Variants in C2orf66 observed in about 807,000 individuals in gnomAD.
C2orf66 encodes the protein uncharacterized protein C2orf66.
Under a neutral mutation model 7.0 loss-of-function variants are expected in C2orf66, and 6 were observed. The observed-to-expected ratio is 0.86, with a 90% CI of 0.47 to 1.69. C2orf66 has a LOEUF of 1.69. Among genes scored for constraint, C2orf66 ranks in the 40% most tolerant of loss-of-function variants. The probability of loss-of-function intolerance (pLI) is 0.01; values close to 1 mark genes in which losing one functional copy is unlikely to be tolerated. For synonymous variants in C2orf66, 38 were observed against 43.8 expected, an observed-to-expected ratio of 0.87 and a Z score of 0.52; for missense variants, 107 against 112.0, an observed-to-expected ratio of 0.96 and a Z score of 0.20.
chr2:196,824,907 C>T, the C2orf66 span, among the ~76,000 whole-genome samples: 4 of 152,166 alleles, frequency 2.6e-5, no homozygotes, highest in East Asian at 7.7e-4. Flanking sequence ...GGAATCCAAG[C>T]AACTCAATAG....
chr2:196,825,547 G>T, the C2orf66 span, among the ~76,000 whole-genome samples: 1 of 152,140 alleles, frequency 6.6e-6, no homozygotes, highest in African/African-American at 2.4e-5. Flanking sequence ...ACATCATGTT[G>T]TACAGCTTAA....
upstream of C2orf66, among the ~76,000 whole-genome samples, chr2:196,812,762 A>C (rs2125759643): frequency 6.6e-6 from 1 of 152,358 alleles, no homozygotes; most frequent in Middle Eastern, 3.4e-3. Context: ...CAATGTGCAA[A>C]AATCACAAGC....
At chr2:196,821,528 C>T in the C2orf66 span, among the ~76,000 whole-genome samples, 4 of 152,136 alleles carry the variant, frequency 2.6e-5, no homozygotes, top group Admixed American at 6.5e-5. Context: ...GATCACAACA[C>T]AAAATGGATT....
the C2orf66 span, among the ~76,000 whole-genome samples, chr2:196,829,486 G>A: frequency 1.3e-5 from 2 of 152,006 alleles, no homozygotes; most frequent in African/African-American, 4.8e-5. Context: ...CTACTCGGGA[G>A]GCTGAGGCAG....
chr2:196,809,197 C>T lies in C2orf66; in HGVS notation c.123+17G>A, dbSNP rs371210953. 4 of 1,611,702 alleles carry T rather than the reference C, an allele frequency of 2.5e-6. No homozygotes were observed. In the African/African-American group the frequency reaches 5.3e-5, roughly 21 times the overall value. On this transcript the variant is annotated intron_variant, in intron 1 of 2. Transcript: ENST00000342506. ...ATTAGTTCTATCCTGAAACCCAGGC[C>T]CCAAGTGTGTTCTTACCAGATCTCT...
rs1279386539 is a variant in C2orf66, at chr2:196,804,714, G to A, written c.*714C>T. Among the ~76,000 whole-genome samples the A allele has an allele frequency of 6.6e-6, 1 of 152,218 alleles. No individual in the cohort carries two copies. The highest frequency in any genetic ancestry group is 1.9e-4 in the East Asian group (1 of 5,196). ...CCTGTTTCTACTTTTCCTTCCTGAG[G>A]AGGTTGTGTATGAGAGCAAGGGCTC... is the stretch of plus-strand genomic sequence containing the variant. On this transcript the variant is annotated 3_prime_UTR_variant, in exon 3 of 3. Transcript: ENST00000342506.
chr2:196,826,942 A>C, the C2orf66 span, among the ~76,000 whole-genome samples: 1 of 152,014 alleles, frequency 6.6e-6, no homozygotes. Flanking sequence ...AAGGCAGGGG[A>C]ATCGCTTGAA....
At position 196,809,324 on chromosome 2, in the gene C2orf66, G is replaced by C; in HGVS notation, c.13C>G (p.Pro5Ala). Residue 5 changes from proline to alanine, a missense_variant, in exon 1 of 3, where the codon CCT (proline) becomes GCT (alanine). Coordinates refer to ENST00000342506, the MANE Select transcript of C2orf66 (RefSeq NM_213608.3). ...AGGGCAACACATAGTAGCAGGAGAG[G>C]TGCTCTGGTCATGGTGGAGTGAAGC... MTRA[P>A]LLLLCVALVL... is the part of the protein sequence containing the mutation. The C allele has an allele frequency of 1.2e-6, 2 of 1,614,072 alleles. No homozygotes were observed. Among genetic ancestry groups the C allele is most frequent in the South Asian group, 1.1e-5 (1 of 91,066 alleles).
In C2orf66 at chr2:196,809,316, C is replaced by G. The variant is rs1189456166; in HGVS notation, c.21G>C (p.Leu7=). The G allele has an allele frequency of 6.2e-7, 1 of 1,613,992 alleles. No homozygotes were observed. The highest frequency in any genetic ancestry group is 1.7e-5 in the Admixed American group (1 of 60,014). The part of the protein sequence containing the change: MTRAPL[L]LLCVALVLLG... ...GCAGCACCAGGGCAACACATAGTAG[C>G]AGGAGAGGTGCTCTGGTCATGGTGG... The change falls in exon 1 of 3, where the codon CTG becomes CTC. Residue 7 remains leucine (L), a synonymous_variant. Coordinates refer to ENST00000342506, the MANE Select transcript of C2orf66 (RefSeq NM_213608.3).
intron 2 of C2orf66, among the ~76,000 whole-genome samples, chr2:196,806,969 G>T (rs903824365): frequency 3.3e-5 from 5 of 152,150 alleles, no homozygotes; most frequent in African/African-American, 1.2e-4. Flanking sequence ...AGGTGAGGAA[G>T]TTCAAGCTCA....
At chr2:196,821,204 G>A in the C2orf66 span, among the ~76,000 whole-genome samples, 5 of 152,240 alleles carry the variant, frequency 3.3e-5, no homozygotes, top group African/African-American at 1.2e-4. Flanking sequence ...TCCATAGGGT[G>A]TCCAGAGGTG....
chr2:196,828,874 C>T, the C2orf66 span, among the ~76,000 whole-genome samples: 8 of 152,222 alleles, frequency 5.3e-5, no homozygotes, highest in Admixed American at 3.3e-4. Context: ...TGACAACAAA[C>T]GGAATGAGCC....
chr2:196,824,355 T>A, the C2orf66 span, among the ~76,000 whole-genome samples: 3 of 152,138 alleles, frequency 2.0e-5, no homozygotes, highest in Admixed American at 2.0e-4. Flanking sequence ...ATCCATCTGC[T>A]GAAAGGACAA....
chr2:196,814,590 A>T, the C2orf66 span, among the ~76,000 whole-genome samples: 1 of 152,288 alleles, frequency 6.6e-6, no homozygotes, highest in African/African-American at 2.4e-5. Context: ...AATCAAAAAA[A>T]AAATTTTTAC....
chr2:196,807,554 G>A lies in C2orf66; in HGVS notation c.192C>T (p.Phe64=), dbSNP rs1161573697. 6.2e-7 allele frequency: 1 copy of A among 1,613,736 alleles called. No homozygotes were observed. Among genetic ancestry groups the A allele is most frequent in the Non-Finnish European group, 8.5e-7 (1 of 1,179,752 alleles). Reference sequence around the variant, plus strand: ...GAGGTCTAGGATTTTCATTCGTGGGGAAAGGATTTGGAAATGTTCCAAGAT... The same window carrying A: ...GAGGTCTAGGATTTTCATTCGTGGGAAAAGGATTTGGAAATGTTCCAAGAT... ...GLDLGTFPNP[F]PTNENPRPLS... Residue 64 remains phenylalanine (F), a synonymous_variant, in exon 2 of 3, where the codon TTC becomes TTT. Transcript: ENST00000342506.
chr2:196,806,349 C>T (rs1220660335), intron 2 of C2orf66, among the ~76,000 whole-genome samples: 1 of 151,994 alleles, frequency 6.6e-6, no homozygotes, highest in Non-Finnish European at 1.5e-5. Context: ...AGGCACTGGC[C>T]ACCACGCCCA....
chr2:196,827,235 T>A, the C2orf66 span, among the ~76,000 whole-genome samples: 3 of 117,294 alleles, frequency 2.6e-5, no homozygotes, highest in South Asian at 5.2e-4. Context: ...GGAGATTCTG[T>A]CTCAAAAAAA....
the C2orf66 span, among the ~76,000 whole-genome samples, chr2:196,814,859 T>A: frequency 6.6e-6 from 1 of 152,242 alleles, no homozygotes; most frequent in African/African-American, 2.4e-5. Flanking sequence ...AAGGAACCGA[T>A]GGACCAAAGG....
the C2orf66 span, among the ~76,000 whole-genome samples, chr2:196,825,485 T>A: frequency 6.6e-6 from 1 of 152,202 alleles, no homozygotes; most frequent in East Asian, 1.9e-4. Context: ...ACCTTGCATA[T>A]GCTAATTAGC....
Sources: gnomAD v4.1 joint callset for allele counts (sites outside exome capture counted in the v4.1 genomes callset) on GRCh38, gnomAD v4.1.1 for gene constraint, MANE v1.5 for transcripts, NCBI Gene and HGNC (gene_info 2026-07-23, HGNC 2026-07-21) for gene names.